EXT1: variants seen among roughly 807,000 people sequenced by gnomAD.
EXT1 encodes the protein exostosin-1.
Under a neutral mutation model 82.5 loss-of-function variants are expected in EXT1, and 20 were observed. That is an observed-to-expected ratio of 0.24 (90% CI 0.17 to 0.35). The LOEUF is 0.35. EXT1 is among the 10% of genes least tolerant of loss of function. The pLI, the probability that EXT1 is intolerant of heterozygous loss-of-function variation, is 1.00. For synonymous variants in EXT1, 348 were observed against 350.8 expected (o/e 0.99, Z 0.09); for missense variants, 757 against 936.5 (o/e 0.81, Z 2.50).
chr8:118,042,151 T>C (rs909548372), intron 1 of EXT1, among the ~76,000 whole-genome samples: 3 of 152,044 alleles, frequency 2.0e-5, no homozygotes, highest in African/African-American at 7.2e-5. Flanking sequence ...CCCCATAAGG[T>C]CTTTGATACT....
intron 1 of EXT1, among the ~76,000 whole-genome samples, chr8:117,934,995 A>G (rs1586294909): frequency 6.6e-6 from 1 of 152,212 alleles, no homozygotes; most frequent in East Asian, 1.9e-4. Context: ...TGTCATAAGA[A>G]AGAAAGCATG....
At position 118,057,051 on chromosome 8, in the gene EXT1, A is replaced by C. The variant is rs139811462; in HGVS notation, c.962+53034T>G. Among the ~76,000 whole-genome samples the C allele has an allele frequency of 1.3e-3, 205 of 152,300 alleles. 2 individuals carry two copies. Among genetic ancestry groups the C allele is most frequent in the African/African-American group, 4.9e-3 (204 of 41,562 alleles). ...TTCCTTATGATGATCATAGGTGAAC[A>C]CAGACACGAAGGACAGGACTGCTCT... On this transcript the variant is annotated intron_variant, in intron 1 of 10. Transcript: ENST00000378204.
At chr8:118,055,661 T>G (rs1450719920) in intron 1 of EXT1, among the ~76,000 whole-genome samples, 1 of 152,184 alleles carries the variant, frequency 6.6e-6, no homozygotes. Flanking sequence ...TGATAATAAC[T>G]AAGTCTAATT....
At chr8:117,905,451 G>A (rs915748374) in intron 1 of EXT1, among the ~76,000 whole-genome samples, 11 of 152,126 alleles carry the variant, frequency 7.2e-5, no homozygotes, top group African/African-American at 2.7e-4. Flanking sequence ...AGGGGGAGGC[G>A]GAGGTTGCAG....
At chr8:117,809,058 C>A (rs940803910) in intron 8 of EXT1, among the ~76,000 whole-genome samples, 4 of 151,738 alleles carry the variant, frequency 2.6e-5, no homozygotes, top group African/African-American at 9.7e-5. Context: ...ACACCAGTAG[C>A]CTTCCTGGGT....
At chr8:117,952,800 A>G (rs537275362) in intron 1 of EXT1, among the ~76,000 whole-genome samples, 19 of 152,312 alleles carry the variant, frequency 1.2e-4, no homozygotes, top group Admixed American at 1.2e-3. Flanking sequence ...TAAAGCCTCA[A>G]TATTCTTTTC....
At chr8:117,868,875 C>A (rs529571435) in intron 1 of EXT1, among the ~76,000 whole-genome samples, 1 of 152,234 alleles carries the variant, frequency 6.6e-6, no homozygotes, top group East Asian at 1.9e-4. Context: ...AATTCCAGCC[C>A]ATAGAGCAGG....
chr8:118,019,638 C>A (rs972981085), intron 1 of EXT1, among the ~76,000 whole-genome samples: 3 of 152,222 alleles, frequency 2.0e-5, no homozygotes, highest in Non-Finnish European at 4.4e-5. Context: ...TCTTTTCCCA[C>A]CATACCCAAC....
chr8:118,073,699 GAAGAGA>G, intron 1 of EXT1, among the ~76,000 whole-genome samples: 1 of 113,526 alleles, frequency 8.8e-6, no homozygotes, highest in South Asian at 2.6e-4. Context: ...GAAGAGAAGA[GAAGAGA>G]AGCCTCTTAA....
intron 1 of EXT1, among the ~76,000 whole-genome samples, chr8:118,081,418 A>G (rs17477168): frequency 6.6e-6 from 1 of 152,228 alleles, no homozygotes; most frequent in Admixed American, 6.5e-5. Context: ...CTATGCATAG[A>G]TAACTGCTTC....
At chr8:117,867,434 C>T (rs1812794094) in intron 1 of EXT1, among the ~76,000 whole-genome samples, 1 of 152,022 alleles carries the variant, frequency 6.6e-6, no homozygotes, top group Non-Finnish European at 1.5e-5. Flanking sequence ...TTTGGCTATT[C>T]CATGGAGACA....
Position 117,978,624 on chromosome 8 carries a change from T to C in EXT1, c.962+131461A>G, listed in dbSNP as rs533119760. ...CTATATAGGAATAATAAACTAAAAATTCCCAGGAAAGCCCAGAAAGGTTTC... is the reference window on the plus strand; with the variant it reads ...CTATATAGGAATAATAAACTAAAAACTCCCAGGAAAGCCCAGAAAGGTTTC... On this transcript the variant is annotated intron_variant, in intron 1 of 10. Coordinates refer to ENST00000378204, the MANE Select transcript of EXT1 (RefSeq NM_000127.3). 2.9e-3 allele frequency among the ~76,000 whole-genome samples: 441 copies of C among 152,264 alleles called. 3 individuals carry two copies. Among genetic ancestry groups the C allele is most frequent in the African/African-American group, 9.8e-3 (406 of 41,560 alleles).
At chr8:118,093,599 A>G (rs1327724906) in intron 1 of EXT1, among the ~76,000 whole-genome samples, 2 of 152,224 alleles carry the variant, frequency 1.3e-5, no homozygotes, top group Non-Finnish European at 2.9e-5. Context: ...AGCCTGCTAC[A>G]ATGTGGAACT....
intron 1 of EXT1, among the ~76,000 whole-genome samples, chr8:118,037,357 C>G (rs1352843903): frequency 1.3e-5 from 2 of 150,830 alleles, no homozygotes; most frequent in African/African-American, 4.9e-5. Context: ...GAGTACCTTA[C>G]AATTTGCAGG....
At chr8:117,915,626 A>G (rs2130000092) in intron 1 of EXT1, among the ~76,000 whole-genome samples, 1 of 152,302 alleles carries the variant, frequency 6.6e-6, no homozygotes, top group South Asian at 2.1e-4. Flanking sequence ...AGACCAAGGC[A>G]GACAGATCAC....
chr8:118,097,436 G>A (rs1817641174), intron 1 of EXT1, among the ~76,000 whole-genome samples: 1 of 152,118 alleles, frequency 6.6e-6, no homozygotes, highest in African/African-American at 2.4e-5. Flanking sequence ...AACAGAGCAA[G>A]ACTCCTTCTC....
chr8:118,048,925 A>G (rs2129919375), intron 1 of EXT1, among the ~76,000 whole-genome samples: 1 of 152,310 alleles, frequency 6.6e-6, no homozygotes, highest in South Asian at 2.1e-4. Context: ...CCCAAGCACC[A>G]TGCTGACAGC....
At chr8:118,066,929 A>G (rs532969545) in intron 1 of EXT1, among the ~76,000 whole-genome samples, 17 of 152,356 alleles carry the variant, frequency 1.1e-4, no homozygotes, top group African/African-American at 4.1e-4. Context: ...AGCTAATATT[A>G]TAGATGTTTT....
chr8:117,970,324 C>G (rs1168448379), intron 1 of EXT1, among the ~76,000 whole-genome samples: 1 of 145,134 alleles, frequency 6.9e-6, no homozygotes, highest in East Asian at 2.0e-4. Context: ...TTTTTTTTGA[C>G]ACGGAGTCTC....
Sources: allele counts gnomAD v4.1 joint callset (sites outside exome capture counted in the v4.1 genomes callset), GRCh38; gene constraint gnomAD v4.1.1; transcripts MANE v1.5; gene names NCBI Gene and HGNC (gene_info 2026-07-23, HGNC 2026-07-21).